Variants in NKAIN2 observed in about 807,000 individuals in gnomAD.
NKAIN2 encodes the protein sodium/potassium transporting ATPase interacting 2.
In NKAIN2, 14 loss-of-function variants were observed where a neutral mutation model predicts 32.6. That is an observed-to-expected ratio of 0.43 (90% confidence interval 0.28 to 0.67). NKAIN2 has a LOEUF of 0.67. NKAIN2 is among the 30% of genes least tolerant of loss of function. The pLI, the probability that NKAIN2 is intolerant of heterozygous loss-of-function variation, is 0.17. For missense variants in NKAIN2, 198 were observed against 258.3 expected (o/e 0.77, Z 1.60); for synonymous variants, 80 against 87.2 (o/e 0.92, Z 0.46).
At chr6:124,591,983 T>G (rs570467450) in intron 3 of NKAIN2, among the ~76,000 whole-genome samples, 1 of 152,250 alleles carries the variant, frequency 6.6e-6, no homozygotes, top group East Asian at 1.9e-4. Flanking sequence ...CTGCCTAAGG[T>G]CACATAGTTA....
chr6:123,916,814 T>C (rs1775521496), intron 1 of NKAIN2, among the ~76,000 whole-genome samples: 1 of 113,932 alleles, frequency 8.8e-6, no homozygotes, highest in Non-Finnish European at 1.8e-5. Flanking sequence ...TGTATCTATG[T>C]ATCTATCTAT....
chr6:124,790,955 G>A (rs1779720037), intron 4 of NKAIN2, among the ~76,000 whole-genome samples: 1 of 152,092 alleles, frequency 6.6e-6, no homozygotes, highest in Admixed American at 6.6e-5. Context: ...GTCTGTGGGT[G>A]TCCAAGTTTT....
At chr6:123,836,583 A>G (rs565424483) in intron 1 of NKAIN2, among the ~76,000 whole-genome samples, 5 of 152,180 alleles carry the variant, frequency 3.3e-5, no homozygotes, top group Admixed American at 2.6e-4. Context: ...ACAATTTGGA[A>G]TGAAGCTAAG....
At chr6:124,112,746 A>AT (rs1440752222) in intron 1 of NKAIN2, among the ~76,000 whole-genome samples, 1 of 150,818 alleles carries the variant, frequency 6.6e-6, no homozygotes, top group African/African-American at 2.4e-5. Flanking sequence ...CTTTCTTTAA[A>AT]TTTTTTTCTA....
intron 1 of NKAIN2, among the ~76,000 whole-genome samples, chr6:123,984,236 A>C (rs1340117010): frequency 6.6e-6 from 1 of 152,080 alleles, no homozygotes; most frequent in Non-Finnish European, 1.5e-5. Flanking sequence ...GTGAAGGCTT[A>C]GTTCAAATTA....
intron 3 of NKAIN2, among the ~76,000 whole-genome samples, chr6:124,411,172 C>T (rs902856907): frequency 1.3e-5 from 2 of 151,984 alleles, no homozygotes; most frequent in South Asian, 2.1e-4. Flanking sequence ...GAGCATTTAG[C>T]CCATTTACAT....
intron 2 of NKAIN2, among the ~76,000 whole-genome samples, chr6:124,303,292 C>T (rs558970583): frequency 4.6e-5 from 7 of 152,180 alleles, no homozygotes; most frequent in South Asian, 2.1e-4. Flanking sequence ...AGCCAAGAAA[C>T]CAAAGAACAT....
intron 3 of NKAIN2, among the ~76,000 whole-genome samples, chr6:124,425,451 G>C (rs533268297): frequency 6.6e-6 from 1 of 151,874 alleles, no homozygotes; most frequent in Non-Finnish European, 1.5e-5. Context: ...TAAATAAGTA[G>C]GGCTACACCA....
chr6:124,740,223 T>C (rs1777137399), intron 4 of NKAIN2, among the ~76,000 whole-genome samples: 1 of 150,626 alleles, frequency 6.6e-6, no homozygotes, highest in Non-Finnish European at 1.5e-5. Flanking sequence ...TGGTGAGGAG[T>C]CAGGAGTGAA....
chr6:124,790,392 T>C (rs1035172163), intron 4 of NKAIN2, among the ~76,000 whole-genome samples: 1 of 152,022 alleles, frequency 6.6e-6, no homozygotes, highest in African/African-American at 2.4e-5. Context: ...CTTTTCCTAA[T>C]GTTTTCTTCC....
intron 1 of NKAIN2, chr6:124,282,238 A>T: frequency 2.9e-6 from 1 of 346,094 alleles, no homozygotes; most frequent in South Asian, 2.2e-5. Context: ...GTGAACACAG[A>T]TGAAAATAGT....
chr6:124,798,972 A>G (rs1356960888), intron 5 of NKAIN2, among the ~76,000 whole-genome samples: 1 of 152,232 alleles, frequency 6.6e-6, no homozygotes, highest in Non-Finnish European at 1.5e-5. Context: ...GAATGAATCA[A>G]TTGGATCTCC....
chr6:123,876,441 G>A (rs550234624), intron 1 of NKAIN2, among the ~76,000 whole-genome samples: 1 of 152,032 alleles, frequency 6.6e-6, no homozygotes, highest in Non-Finnish European at 1.5e-5. Context: ...TACACAAACG[G>A]TCATATATAT....
rs532603413 is a variant in NKAIN2, at chr6:124,077,992, TTC to T, written c.55-205011_55-205010del. Among the ~76,000 whole-genome samples, 350 of 152,300 alleles carry T rather than the reference TTC, an allele frequency of 2.3e-3. 2 individuals carry two copies. The highest frequency in any genetic ancestry group is 3.9e-3 in the Non-Finnish European group (263 of 68,008). ...AATACCTTAGCATTGAGGCTGATTT[TTC>T]TTTTATTTTGCATTCTACTCCACAT... On this transcript the variant is annotated intron_variant, in intron 1 of 6. Transcript: ENST00000368417.
At chr6:124,240,545 C>T (rs1031646679) in intron 1 of NKAIN2, among the ~76,000 whole-genome samples, 3 of 152,114 alleles carry the variant, frequency 2.0e-5, no homozygotes, top group African/African-American at 7.2e-5. Flanking sequence ...AGCTTACCCA[C>T]CATGATCAAG....
chr6:124,103,282 G>T (rs1419787417), intron 1 of NKAIN2, among the ~76,000 whole-genome samples: 4 of 152,070 alleles, frequency 2.6e-5, no homozygotes, highest in African/African-American at 9.7e-5. Flanking sequence ...GAAAAATAGA[G>T]CGTGAATCGA....
chr6:124,325,790 T>G (rs980591642), intron 2 of NKAIN2, among the ~76,000 whole-genome samples: 10 of 152,136 alleles, frequency 6.6e-5, no homozygotes, highest in Admixed American at 1.3e-4. Context: ...GCTGATTATA[T>G]GGGTTTATAT....
chr6:124,818,768 T>G (rs1781279065), intron 6 of NKAIN2, among the ~76,000 whole-genome samples: 1 of 152,096 alleles, frequency 6.6e-6, no homozygotes, highest in Admixed American at 6.6e-5. Context: ...AAGTTGTATT[T>G]TTTGAAAATG....
At chr6:124,083,949 C>T (rs1206595851) in intron 1 of NKAIN2, among the ~76,000 whole-genome samples, 1 of 151,916 alleles carries the variant, frequency 6.6e-6, no homozygotes, top group Admixed American at 6.6e-5. Flanking sequence ...AAATGACTCA[C>T]AATATATAAC....
Sources: allele counts gnomAD v4.1 joint callset (sites outside exome capture counted in the v4.1 genomes callset), GRCh38; gene constraint gnomAD v4.1.1; transcripts MANE v1.5; gene names NCBI Gene and HGNC (gene_info 2026-07-23, HGNC 2026-07-21).